FMNL2: variants seen among roughly 807,000 people sequenced by gnomAD.
FMNL2 encodes formin-like protein 2.
In FMNL2, 51 loss-of-function variants were observed where a neutral mutation model predicts 130.2. That is an observed-to-expected ratio of 0.39 (90% confidence interval 0.31 to 0.49). FMNL2 has a LOEUF of 0.49. Ranked by LOEUF, FMNL2 falls within the 20% of genes least tolerant of loss-of-function variation. The pLI is 0.85. For synonymous variants in FMNL2, 465 were observed against 467.1 expected, an observed-to-expected ratio of 1.00 and a Z score of 0.06; for missense variants, 977 against 1,316.2, an observed-to-expected ratio of 0.74 and a Z score of 3.99.
intron 3 of FMNL2, among the ~76,000 whole-genome samples, chr2:152,546,421 A>G (rs1210380350): frequency 6.6e-6 from 1 of 152,056 alleles, no homozygotes; most frequent in African/African-American, 2.4e-5. Context: ...GCCAGATCTC[A>G]CAGGAACTCT....
At chr2:152,385,871 C>T (rs545589360) in intron 1 of FMNL2, among the ~76,000 whole-genome samples, 1 of 152,200 alleles carries the variant, frequency 6.6e-6, no homozygotes, top group South Asian at 2.1e-4. Context: ...TCAACTTACC[C>T]ATGTGAAAAT....
intron 2 of FMNL2, among the ~76,000 whole-genome samples, chr2:152,522,525 A>C (rs762981780): frequency 1.3e-5 from 2 of 152,186 alleles, no homozygotes; most frequent in Non-Finnish European, 2.9e-5. Context: ...CCCACATGTT[A>C]TGAGAGGAAC....
intron 15 of FMNL2, among the ~76,000 whole-genome samples, chr2:152,623,570 G>C (rs749843496): frequency 5.9e-5 from 9 of 152,160 alleles, no homozygotes; most frequent in Non-Finnish European, 1.2e-4. Context: ...GTCTGTCTCA[G>C]TTAACGCCAA....
At chr2:152,526,002 A>G (rs141507037) in intron 2 of FMNL2, among the ~76,000 whole-genome samples, 1 of 152,384 alleles carries the variant, frequency 6.6e-6, no homozygotes, top group African/African-American at 2.4e-5. Context: ...GAGAACGTGC[A>G]TCAATATTTA....
intron 1 of FMNL2, among the ~76,000 whole-genome samples, chr2:152,337,465 C>G (rs1399509222): frequency 6.6e-6 from 1 of 150,880 alleles, no homozygotes; most frequent in Non-Finnish European, 1.5e-5. Context: ...ACAGGGAAAC[C>G]AGTGCAGCAG....
chr2:152,562,206 C>T (rs1347667579), intron 6 of FMNL2, among the ~76,000 whole-genome samples: 1 of 152,108 alleles, frequency 6.6e-6, no homozygotes, highest in Non-Finnish European at 1.5e-5. Flanking sequence ...TTAATAAGAC[C>T]TTCATTCCAA....
chr2:152,342,476 C>G (rs1244913703), intron 1 of FMNL2, among the ~76,000 whole-genome samples: 1 of 152,174 alleles, frequency 6.6e-6, no homozygotes, highest in East Asian at 1.9e-4. Flanking sequence ...CCACTGCCAT[C>G]CCTGCAAATA....
At chr2:152,455,652 C>A (rs529936144) in intron 1 of FMNL2, among the ~76,000 whole-genome samples, 3 of 152,316 alleles carry the variant, frequency 2.0e-5, no homozygotes, top group African/African-American at 7.2e-5. Context: ...CAAACATAAG[C>A]AGGTAGCTTT....
intron 9 of FMNL2, among the ~76,000 whole-genome samples, chr2:152,591,753 C>A (rs1697456664): frequency 6.6e-6 from 1 of 152,186 alleles, no homozygotes; most frequent in Non-Finnish European, 1.5e-5. Context: ...CTGCGGTGAG[C>A]CGTGATCACA....
At chr2:152,406,628 A>C (rs1417489401) in intron 1 of FMNL2, among the ~76,000 whole-genome samples, 1 of 152,180 alleles carries the variant, frequency 6.6e-6, no homozygotes, top group African/African-American at 2.4e-5. Flanking sequence ...GTGGAAGTGT[A>C]CCTTTTATCT....
At chr2:152,351,179 GA>G (rs1236881163) in intron 1 of FMNL2, among the ~76,000 whole-genome samples, 1 of 152,138 alleles carries the variant, frequency 6.6e-6, no homozygotes, top group Non-Finnish European at 1.5e-5. Context: ...AACAACCCTA[GA>G]AAGCAATTAT....
In FMNL2 at chr2:152,649,690, G is replaced by A. The variant is rs1325588547; in HGVS notation, c.*1785G>A. On this transcript the variant is annotated 3_prime_UTR_variant, in exon 26 of 26. Coordinates refer to ENST00000288670, the MANE Select transcript of FMNL2 (RefSeq NM_052905.4). ...ATTTATTAATCTACAAATAGACAAC[G>A]TTGGCATGTTCTTTTCTGTTTGTCT... The A allele has an allele frequency of 3.3e-5, 5 of 152,522 alleles. No individual in the cohort carries two copies. Among genetic ancestry groups the A allele is most frequent in the Admixed American group, 6.6e-5 (1 of 15,266 alleles). The allele number at this position is 152,522 out of a possible 1,614,324, so 9.4% of individuals were successfully genotyped here.
intron 1 of FMNL2, among the ~76,000 whole-genome samples, chr2:152,453,271 G>T (rs2105080055): frequency 6.6e-6 from 1 of 152,208 alleles, no homozygotes; most frequent in Admixed American, 6.6e-5. Flanking sequence ...GAAAGGTCAG[G>T]AGTGGATTCT....
intron 1 of FMNL2, among the ~76,000 whole-genome samples, chr2:152,487,932 C>A (rs1017007943): frequency 6.6e-6 from 1 of 151,906 alleles, no homozygotes; most frequent in Non-Finnish European, 1.5e-5. Flanking sequence ...GGATTACAGG[C>A]GCACACCACC....
intron 1 of FMNL2, among the ~76,000 whole-genome samples, chr2:152,465,039 A>G (rs1352909454): frequency 6.6e-6 from 1 of 152,224 alleles, no homozygotes; most frequent in Non-Finnish European, 1.5e-5. Context: ...GAACTCAGCC[A>G]TGACTTGTAA....
At chr2:152,464,851 G>A (rs763646523) in intron 1 of FMNL2, among the ~76,000 whole-genome samples, 1 of 152,180 alleles carries the variant, frequency 6.6e-6, no homozygotes, top group Non-Finnish European at 1.5e-5. Flanking sequence ...TAGCGAAGTG[G>A]AGGGTTCTGT....
intron 3 of FMNL2, among the ~76,000 whole-genome samples, chr2:152,547,072 A>C (rs1487826857): frequency 6.6e-6 from 1 of 151,454 alleles, no homozygotes; most frequent in Non-Finnish European, 1.5e-5. Flanking sequence ...CAGCTTCCTG[A>C]GTAGCTGGGA....
chr2:152,646,318 T>C (rs1193734569), intron 25 of FMNL2, among the ~76,000 whole-genome samples: 2 of 135,878 alleles, frequency 1.5e-5, no homozygotes, highest in African/African-American at 2.7e-5. Flanking sequence ...TGACAGAGAC[T>C]GTCCTCCCCT....
intron 20 of FMNL2, among the ~76,000 whole-genome samples, chr2:152,631,595 T>A (rs1001901298): frequency 6.6e-6 from 1 of 152,102 alleles, no homozygotes; most frequent in African/African-American, 2.4e-5. Flanking sequence ...CGAGGTTTTA[T>A]CATGCTGCTC....
Sources: gnomAD v4.1 joint callset for allele counts (sites outside exome capture counted in the v4.1 genomes callset) on GRCh38, gnomAD v4.1.1 for gene constraint, MANE v1.5 for transcripts, NCBI Gene and HGNC (gene_info 2026-07-23, HGNC 2026-07-21) for gene names.